DNM2: variants seen among roughly 807,000 people sequenced by gnomAD.
The protein encoded by DNM2 is dynamin 2.
A neutral mutation model predicts 99.0 loss-of-function variants in DNM2; 15 were observed. The observed-to-expected ratio is 0.15, with a 90% CI of 0.10 to 0.23. The LOEUF is 0.23. Ranked by LOEUF, DNM2 falls within the 10% of genes least tolerant of loss-of-function variation. The pLI, the probability that DNM2 is intolerant of heterozygous loss-of-function variation, is 1.00. For synonymous variants in DNM2, 525 were observed against 481.2 expected, an observed-to-expected ratio of 1.09 and a Z score of -1.19; for missense variants, 742 against 1,189.4, an observed-to-expected ratio of 0.62 and a Z score of 5.53.
rs1166278351 is a variant in DNM2, at chr19:10,752,358, C to T, written c.162-7380C>T. On this transcript the variant is annotated intron_variant, in intron 1 of 20. Transcript: ENST00000389253. ...AGTCACCTTCTCCTGCCTGTGCCCA[C>T]AGCTCTGTGTTCTCTTGGGCGTCAC... is the stretch of plus-strand genomic sequence containing the variant. Among the ~76,000 whole-genome samples, 3 of 152,240 alleles carry T rather than the reference C, an allele frequency of 2.0e-5. No individual in the cohort carries two copies. In the East Asian group the frequency reaches 5.8e-4, roughly 29 times the overall value.
intron 16 of DNM2, among the ~76,000 whole-genome samples, chr19:10,823,019 G>T (rs1039376881): frequency 2.1e-5 from 3 of 145,094 alleles, no homozygotes; most frequent in African/African-American, 7.7e-5. Context: ...GCAGGAGAAT[G>T]GTGTGAACCC....
chr19:10,773,377 G>C (rs960597723), intron 3 of DNM2, among the ~76,000 whole-genome samples: 1 of 150,930 alleles, frequency 6.6e-6, no homozygotes, highest in African/African-American at 2.4e-5. Context: ...TCAAACTCCC[G>C]ACCTTGTGAT....
At position 10,772,546 on chromosome 19, in the gene DNM2, T is replaced by C; in HGVS notation, c.303T>C (p.Ile101=). The change falls in exon 3 of 21, where the codon ATT becomes ATC. Residue 101 remains isoleucine, a synonymous_variant. Coordinates refer to ENST00000389253, the MANE Select transcript of DNM2 (RefSeq NM_001005361.3). This position sits in a 1 kb window ranked among gnomAD's most constrained non-coding sequence, Gnocchi z 4.9. ...FTDFDEVRQE[I]EAETDRVTGT... ...ACTTTGATGAAGTCCGGCAGGAGAT[T>C]GAAGCAGAGACCGACAGGGTCACGG... 2 of 1,614,136 alleles carry C rather than the reference T, an allele frequency of 1.2e-6. No individual in the cohort carries two copies. The highest frequency in any genetic ancestry group is 8.5e-7 in the Non-Finnish European group (1 of 1,180,016).
At chr19:10,803,120 C>T (rs916041465) in intron 12 of DNM2, among the ~76,000 whole-genome samples, 2 of 152,134 alleles carry the variant, frequency 1.3e-5, no homozygotes, top group Non-Finnish European at 2.9e-5. Context: ...GGACCCAGGG[C>T]GTTAAGGTGT....
chr19:10,720,650 A>G (rs1249421978), intron 1 of DNM2, among the ~76,000 whole-genome samples: 1 of 152,068 alleles, frequency 6.6e-6, no homozygotes, highest in Non-Finnish European at 1.5e-5. Context: ...GGACTGCTTG[A>G]GCCCAGGATG....
rs1431556256 is a variant in DNM2 at position 10,795,937 on chromosome 19, C to T, written c.1196+498C>T. 39 of 1,529,590 alleles carry T rather than the reference C, an allele frequency of 2.5e-5. No homozygotes were observed. The highest frequency in any genetic ancestry group is 2.3e-4 in the Middle Eastern group (1 of 4,296). The allele number at this position is 1,529,590 out of a possible 1,614,324, so 94.8% of individuals were successfully genotyped here. ...TTTCCGGGCAGTGGACTCAGGCATCCGACCCCACACATGACACAACCTTCA... is the reference window on the plus strand; with the variant it reads ...TTTCCGGGCAGTGGACTCAGGCATCTGACCCCACACATGACACAACCTTCA... On this transcript the variant is annotated intron_variant, in intron 9 of 20. Coordinates refer to ENST00000389253, the MANE Select transcript of DNM2 (RefSeq NM_001005361.3). This position sits in a 1 kb window ranked among gnomAD's most constrained non-coding sequence, Gnocchi z 4.2.
At chr19:10,741,797 C>T (rs1246438140) in intron 1 of DNM2, among the ~76,000 whole-genome samples, 3 of 151,906 alleles carry the variant, frequency 2.0e-5, no homozygotes, top group Non-Finnish European at 2.9e-5. Context: ...GTGATCCACC[C>T]GCCTCTGCCT....
rs1256064221 is a variant in DNM2, at chr19:10,765,727, C to G, written c.235+5916C>G. 6.6e-6 allele frequency among the ~76,000 whole-genome samples: 1 copy of G among 152,184 alleles called. No individual in the cohort carries two copies. ...AAAAGTCCTGCATGAGTGGATCCTG[C>G]CTGCTGGCGTGGTAGCTAGGGTCTC... On this transcript the variant is annotated intron_variant, in intron 2 of 20. Transcript: ENST00000389253. The surrounding 1 kb of genome is among the most constrained non-coding windows in gnomAD (Gnocchi z 4.4).
Position 10,820,227 on chromosome 19 carries a change from T to A in DNM2, c.1781+138T>A. The A allele has an allele frequency of 2.5e-6, 2 of 798,720 alleles. No homozygotes were observed. The highest frequency in any genetic ancestry group is 1.5e-5 in the South Asian group (1 of 67,260). The allele number at this position is 798,720 out of a possible 1,614,324, so 49.5% of individuals were successfully genotyped here. ...GGGACCCAGCTTTTAGAAAGGGGAG[T>A]CACGTGAGAAATAGCAAATGCCAGG... On this transcript the variant is annotated intron_variant, in intron 16 of 20. Coordinates refer to ENST00000389253, the MANE Select transcript of DNM2 (RefSeq NM_001005361.3). The surrounding 1 kb of genome is among the most constrained non-coding windows in gnomAD (Gnocchi z 4.3).
In DNM2 at chr19:10,830,441, C is replaced by T; in HGVS notation, c.2543+63C>T. On this transcript the variant is annotated intron_variant, in intron 20 of 20. Transcript: ENST00000389253. This position sits in a 1 kb window ranked among gnomAD's most constrained non-coding sequence, Gnocchi z 4.8. The stretch of plus-strand genomic sequence containing the variant: ...CACCCTGGGGTCTCTCCTCCTGTCT[C>T]ACTTCCTCCCAGTGAGCTCTCACTA... The T allele has an allele frequency of 6.4e-7, 1 of 1,555,046 alleles. No homozygotes were observed. Among genetic ancestry groups the T allele is most frequent in the South Asian group, 1.1e-5 (1 of 88,612 alleles).
At chr19:10,814,434 A>G (rs1433945352) in intron 15 of DNM2, among the ~76,000 whole-genome samples, 1 of 152,196 alleles carries the variant, frequency 6.6e-6, no homozygotes, top group East Asian at 1.9e-4. Context: ...ATTGCACTCC[A>G]GCCTGGGCAA....
At chr19:10,738,356 C>A (rs1320157076) in intron 1 of DNM2, among the ~76,000 whole-genome samples, 2 of 152,234 alleles carry the variant, frequency 1.3e-5, no homozygotes, top group African/African-American at 4.8e-5. Flanking sequence ...GTGGCTCACG[C>A]CCATAGACCC....
At chr19:10,828,890 A>T in intron 18 of DNM2, 146 bp from the exon 19 acceptor site, 2 of 802,604 alleles carry the variant, frequency 2.5e-6, no homozygotes, top group East Asian at 2.7e-5. Context: ...GAGCCACTGT[A>T]CTCCAGCCTG....
rs2072569142 is a variant in DNM2 at position 10,812,119 on chromosome 19, G to A, written c.1558-145G>A. On this transcript the variant is annotated intron_variant, in intron 14 of 20. Transcript: ENST00000389253. The surrounding 1 kb of genome is among the most constrained non-coding windows in gnomAD (Gnocchi z 4.0). ...CTGCTGGAAATGCTTGGGACAGGGTGGAACTGGGTTTCCTGGGCTTTGGGG... is the reference window on the plus strand; with the variant it reads ...CTGCTGGAAATGCTTGGGACAGGGTAGAACTGGGTTTCCTGGGCTTTGGGG... 1.5e-6 allele frequency: 1 copy of A among 659,934 alleles called. No homozygotes were observed. Among genetic ancestry groups the A allele is most frequent in the South Asian group, 1.5e-5 (1 of 66,952 alleles). The allele number at this position is 659,934 out of a possible 1,614,324, so 40.9% of individuals were successfully genotyped here.
In DNM2 at chr19:10,726,493, C is replaced by T. The variant is rs533972783; in HGVS notation, c.161+8090C>T. Among the ~76,000 whole-genome samples, 11 of 152,252 alleles carry T rather than the reference C, an allele frequency of 7.2e-5. No homozygotes were observed. The South Asian group carries it at 1.2e-3, about 17-fold the overall frequency. ...CAGGACATGCAGGCACGCCCTGTTC[C>T]CCAGATCCTGAAATATCGACCAGAA... On this transcript the variant is annotated intron_variant, in intron 1 of 20. Transcript: ENST00000389253.
chr19:10,786,381 C>G, intron 6 of DNM2, 183 bp from the exon 7 acceptor site: 1 of 1,014,706 alleles, frequency 9.9e-7, no homozygotes, highest in Non-Finnish European at 1.5e-6. Context: ...TCCGTGCCGT[C>G]TCCGTTCCCA....
At chr19:10,777,338 T>G in intron 5 of DNM2, 122 bp downstream of exon 5, 3 of 909,762 alleles carry the variant, frequency 3.3e-6, no homozygotes, top group Non-Finnish European at 5.3e-6. Flanking sequence ...CCGTAACTCC[T>G]TCTTTCTTTT....
intron 18 of DNM2, among the ~76,000 whole-genome samples, chr19:10,828,787 G>A (rs2073233896): frequency 6.6e-6 from 1 of 150,882 alleles, no homozygotes; most frequent in Non-Finnish European, 1.5e-5. Flanking sequence ...AGCCAAGCAT[G>A]GTGTCAACGT....
intron 5 of DNM2, among the ~76,000 whole-genome samples, chr19:10,779,502 C>CTTTCTTTTTTTTTTTTTTT (rs1290878626): frequency 3.4e-5 from 1 of 29,602 alleles, no homozygotes; most frequent in Non-Finnish European, 5.8e-5. Flanking sequence ...TTCTTTCTTT[C>CTTTCTTTTTTTTTTTTTTT]TTTTTTTTTT....
Sources: gnomAD v4.1 joint callset for allele counts (sites outside exome capture counted in the v4.1 genomes callset) on GRCh38, gnomAD v4.1.1 for gene constraint, Gnocchi (gnomAD v3.1) non-coding constraint, MANE v1.5 for transcripts, NCBI Gene and HGNC (gene_info 2026-07-23, HGNC 2026-07-21) for gene names.